WDPCP: variants seen among roughly 807,000 people sequenced by gnomAD.
WDPCP encodes the protein WD repeat-containing and planar cell polarity effector protein fritz homolog.
Under a neutral mutation model 93.1 loss-of-function variants are expected in WDPCP, and 71 were observed. That is an observed-to-expected ratio of 0.76 (90% CI 0.63 to 0.93). The LOEUF (loss-of-function observed/expected upper bound fraction) is 0.93. Among genes scored for constraint, WDPCP ranks in the 40% least tolerant of loss-of-function variants. The probability of loss-of-function intolerance (pLI) is 0.00; values close to 1 mark genes in which losing one functional copy is unlikely to be tolerated. For synonymous variants in WDPCP, 315 were observed against 315.0 expected (o/e 1.00, Z 0.00); for missense variants, 844 against 887.4 (o/e 0.95, Z 0.62).
At chr2:63,485,025 G>T (rs370417388) in intron 4 of WDPCP, 38 bp from the exon 5 acceptor site, 1 of 1,608,790 alleles carries the variant, frequency 6.2e-7, no homozygotes, top group South Asian at 1.1e-5. Flanking sequence ...AGTTAAACAA[G>T]ATTTAAAAAG....
intron 13 of WDPCP, among the ~76,000 whole-genome samples, chr2:63,311,524 A>G (rs1440046605): frequency 6.6e-6 from 1 of 152,208 alleles, no homozygotes; most frequent in Non-Finnish European, 1.5e-5. Context: ...AAGAGTAACA[A>G]TGCAGCATTC....
chr2:63,643,373 C>A, intron 3 of WDPCP: 1 of 365,210 alleles, frequency 2.7e-6, no homozygotes, highest in Non-Finnish European at 5.3e-6. Context: ...TTGCTCTTGC[C>A]AATAACAAAA....
At chr2:63,796,803 G>A (rs756264127) in intron 2 of WDPCP, among the ~76,000 whole-genome samples, 2 of 152,218 alleles carry the variant, frequency 1.3e-5, no homozygotes, top group Non-Finnish European at 2.9e-5. Flanking sequence ...AAGTCCTCGT[G>A]TTGTGCTGGG....
intron 12 of WDPCP, among the ~76,000 whole-genome samples, chr2:63,346,088 G>A (rs1558499550): frequency 1.3e-5 from 2 of 152,212 alleles, no homozygotes; most frequent in Non-Finnish European, 2.9e-5. Flanking sequence ...GTCCATTTAT[G>A]TGGAGGTACT....
chr2:63,800,320 G>A (rs1172834180), intron 2 of WDPCP, among the ~76,000 whole-genome samples: 1 of 152,154 alleles, frequency 6.6e-6, no homozygotes, highest in Non-Finnish European at 1.5e-5. Flanking sequence ...CCGTACAGCT[G>A]CATTTCTGGT....
Position 63,187,551 on chromosome 2 carries a change from CA to C in WDPCP, c.1916-12720del, listed in dbSNP as rs1236407901. ...TGCAGAAAGTATCTTAAAGTTATAA[CA>C]AATCTATTTTAGGCTAATAACTTAA... On this transcript the variant is annotated intron_variant, in intron 14 of 17. Coordinates refer to ENST00000272321, the MANE Select transcript of WDPCP (RefSeq NM_015910.7). Among the ~76,000 whole-genome samples the C allele has an allele frequency of 4.6e-5, 7 of 152,144 alleles. No individual in the cohort carries two copies. The East Asian group carries it at 1.2e-3, about 25-fold the overall frequency.
intron 14 of WDPCP, among the ~76,000 whole-genome samples, chr2:63,192,277 T>G (rs1675109020): frequency 6.6e-6 from 1 of 152,278 alleles, no homozygotes; most frequent in Middle Eastern, 3.4e-3. Context: ...AGCTTCTATT[T>G]CCTCATTTGT....
chr2:63,403,165 T>G (rs904906357), intron 10 of WDPCP, among the ~76,000 whole-genome samples: 1 of 152,096 alleles, frequency 6.6e-6, no homozygotes, highest in Non-Finnish European at 1.5e-5. Context: ...AGCAAACTAA[T>G]GCAGAAACAG....
At chr2:63,594,876 CATGT>C in intron 3 of WDPCP, 1 of 304,690 alleles carries the variant, frequency 3.3e-6, no homozygotes, top group South Asian at 3.9e-5. Flanking sequence ...AACTTACAGT[CATGT>C]GGGAGAGAGT....
chr2:63,455,699 T>C (rs141692264), intron 6 of WDPCP, among the ~76,000 whole-genome samples: 618 of 152,292 alleles, frequency 4.1e-3, no homozygotes, highest in Middle Eastern at 0.014. Context: ...TTGCCAGATC[T>C]AATGAAAGAG....
intron 2 of WDPCP, among the ~76,000 whole-genome samples, chr2:63,664,297 A>G (rs1710260361): frequency 6.6e-6 from 1 of 152,258 alleles, no homozygotes; most frequent in Non-Finnish European, 1.5e-5. Context: ...AAGAATGTCC[A>G]GGAAGATAGA....
upstream of WDPCP, chr2:63,591,020 T>G (rs992469232): frequency 6.6e-6 from 1 of 152,170 alleles, no homozygotes; most frequent in African/African-American, 2.4e-5. Context: ...GAAATATATA[T>G]AAATTTGAAA....
At chr2:63,212,954 A>T (rs1676962382) in intron 14 of WDPCP, among the ~76,000 whole-genome samples, 1 of 152,224 alleles carries the variant, frequency 6.6e-6, no homozygotes, top group South Asian at 2.1e-4. Flanking sequence ...CCAGTACAGG[A>T]GCACCCAGAT....
chr2:63,634,480 A>T (rs1415421436), intron 3 of WDPCP, among the ~76,000 whole-genome samples: 1 of 152,340 alleles, frequency 6.6e-6, no homozygotes, highest in African/African-American at 2.4e-5. Context: ...GAAAATCCAT[A>T]AGGAAATATT....
intron 6 of WDPCP, among the ~76,000 whole-genome samples, chr2:63,481,872 T>C (rs978307368): frequency 1.3e-5 from 2 of 148,702 alleles, no homozygotes; most frequent in African/African-American, 5.0e-5. Flanking sequence ...CACCACCTGT[T>C]CCCCCAAAAA....
At chr2:63,255,809 T>TACTA (rs769171008) in intron 14 of WDPCP, among the ~76,000 whole-genome samples, 3 of 152,178 alleles carry the variant, frequency 2.0e-5, no homozygotes, top group Non-Finnish European at 4.4e-5. Flanking sequence ...CAAAAGAATT[T>TACTA]ACTAACTGTT....
rs777283092 is a variant in WDPCP at position 63,657,203 on chromosome 2, A to ATTT, written n.309-6366_309-6365insAAA. Among the ~76,000 whole-genome samples the ATTT allele has an allele frequency of 2.8e-4, 15 of 53,514 alleles. No individual in the cohort carries two copies. In the East Asian group the frequency reaches 8.0e-3, roughly 29 times the overall value. 35.1% of individuals were successfully genotyped at this position (53,514 alleles called of 152,430 possible). A position where few individuals can be genotyped will look rare whatever the true frequency, so the allele number is the denominator to read the frequency against. On this transcript the variant is annotated intron_variant and non_coding_transcript_variant, in intron 2 of 4. Coordinates refer to the WDPCP transcript ENST00000467687. ...GTACAGATGAGACAGGTTCTGGGTGATGTTTTTTTTTTTTTTTTTGCGACG... is the reference window on the plus strand; with the variant it reads ...GTACAGATGAGACAGGTTCTGGGTGATTTTGTTTTTTTTTTTTTTTTTGCGACG...
chr2:63,437,286 A>C (rs998003939), intron 8 of WDPCP, 135 bp downstream of exon 8: 26 of 754,368 alleles, frequency 3.4e-5, no homozygotes, highest in Non-Finnish European at 4.6e-5. Flanking sequence ...CAGTTAATTA[A>C]GCTTAATCCT....
intron 9 of WDPCP, among the ~76,000 whole-genome samples, chr2:63,407,290 T>A (rs1227981515): frequency 6.6e-6 from 1 of 151,986 alleles, no homozygotes; most frequent in Admixed American, 6.6e-5. Flanking sequence ...GAGACTAATA[T>A]AGCTAGAGAA....
Sources: allele counts gnomAD v4.1 joint callset (sites outside exome capture counted in the v4.1 genomes callset), GRCh38; gene constraint gnomAD v4.1.1; transcripts MANE v1.5; gene names NCBI Gene and HGNC (gene_info 2026-07-23, HGNC 2026-07-21).